The following KLHDC4 variants were observed in gnomAD, a reference collection of about 807,000 sequenced individuals.
The protein encoded by KLHDC4 is kelch domain-containing protein 4.
A neutral mutation model predicts 62.4 loss-of-function variants in KLHDC4; 90 were observed. The observed-to-expected ratio is 1.44, with a 90% CI of 1.22 to 1.72. The LOEUF is 1.72. Ranked by LOEUF, KLHDC4 falls within the 40% of genes most tolerant of loss-of-function variation. The probability of loss-of-function intolerance (pLI) is 0.00; values close to 1 mark genes in which losing one functional copy is unlikely to be tolerated. For synonymous variants in KLHDC4, 386 were observed against 284.4 expected, an observed-to-expected ratio of 1.36 and a Z score of -3.59; for missense variants, 1,025 against 699.7, an observed-to-expected ratio of 1.47 and a Z score of -5.25.
chr16:87,714,897 C>G (rs145961970), intron 7 of KLHDC4, among the ~76,000 whole-genome samples: 193 of 152,364 alleles, frequency 1.3e-3, no homozygotes, highest in African/African-American at 4.2e-3. Context: ...GATACCATTA[C>G]AGAGTCACTC....
At chr16:87,764,339 T>C (rs1421214082) in intron 1 of KLHDC4, among the ~76,000 whole-genome samples, 1 of 151,792 alleles carries the variant, frequency 6.6e-6, no homozygotes, top group African/African-American at 2.4e-5. Context: ...GAGGGAGACA[T>C]GGAGATGAGT....
rs375320055 is a variant in KLHDC4, at chr16:87,761,928, T to C, written c.191+21A>G. 1.8e-5 allele frequency: 29 copies of C among 1,610,088 alleles called. No homozygotes were observed. The African/African-American group carries it at 2.8e-4, about 16-fold the overall frequency. On this transcript the variant is annotated intron_variant, in intron 2 of 11. Transcript: ENST00000270583. ...ATAGAAGAAAAGGAAACATACAATA[T>C]GAAAAATGCTACTTGCTCACCTTGG...
chr16:87,707,976 C>T lies in KLHDC4; in HGVS notation c.*101G>A, dbSNP rs566183572. The stretch of plus-strand genomic sequence containing the variant: ...CACCCACCTTCAGCTCTCTCCTGTG[C>T]GTCAGGACGCACGCTGGCCCCAAGA... On this transcript the variant is annotated 3_prime_UTR_variant, in exon 12 of 12. Coordinates refer to ENST00000270583, the MANE Select transcript of KLHDC4 (RefSeq NM_017566.4). 1.9e-4 allele frequency: 92 copies of T among 473,838 alleles called. No homozygotes were observed. Among genetic ancestry groups the T allele is most frequent in the African/African-American group, 1.5e-3 (75 of 50,946 alleles). 29.4% of individuals were successfully genotyped at this position (473,838 alleles called of 1,614,324 possible). A position where few individuals can be genotyped will look rare whatever the true frequency, so the allele number is the denominator to read the frequency against.
chr16:87,716,221 T>A (rs138728320), intron 7 of KLHDC4, among the ~76,000 whole-genome samples: 1 of 151,890 alleles, frequency 6.6e-6, no homozygotes, highest in African/African-American at 2.4e-5. Flanking sequence ...GATATTGACG[T>A]AGACTTTGGG....
chr16:87,702,265 A>G (rs1020947410), exon 1 of KLHDC4: 5 of 456,206 alleles, frequency 1.1e-5, no homozygotes, highest in Middle Eastern at 3.2e-4. Flanking sequence ...CCGAGTCCAT[A>G]AAGGGCAGCC....
intron 4 of KLHDC4, among the ~76,000 whole-genome samples, chr16:87,751,345 G>A (rs1250400586): frequency 1.3e-5 from 2 of 152,078 alleles, no homozygotes; most frequent in East Asian, 1.9e-4. Flanking sequence ...GTGGTGGCAT[G>A]CGCCTGTAAA....
intron 1 of KLHDC4, among the ~76,000 whole-genome samples, chr16:87,762,475 C>A (rs1014501475): frequency 2.7e-4 from 41 of 152,270 alleles, no homozygotes; most frequent in African/African-American, 9.9e-4. Context: ...CAGCACCTCT[C>A]AGAGCCCAGG....
chr16:87,726,776 A>G lies in KLHDC4; in HGVS notation c.748T>C (p.Tyr250His). 1 of 1,553,062 alleles carries G rather than the reference A, an allele frequency of 6.4e-7. No individual in the cohort carries two copies. The highest frequency in any genetic ancestry group is 8.7e-7 in the Non-Finnish European group (1 of 1,150,936). Residue 250 changes from tyrosine to histidine, a missense_variant, in exon 7 of 12, where the codon TAC (tyrosine) becomes CAC (histidine). Transcript: ENST00000270583. ...ACCCCCCGCCTTACCTGTTTCGAGTAGCCCCCATAGACGACGATGCCGCCC... is the reference window on the plus strand; with the variant it reads ...ACCCCCCGCCTTACCTGTTTCGAGTGGCCCCCATAGACGACGATGCCGCCC... ...PQGGIVVYGG[Y>H]SKQRVKKDVD...
intron 8 of KLHDC4, 49 bp from the exon 9 acceptor site, chr16:87,711,492 T>G: frequency 2.6e-6 from 4 of 1,523,606 alleles, no homozygotes; most frequent in Non-Finnish European, 3.5e-6. Flanking sequence ...GGAAGGACCC[T>G]GAGAGCCAGC....
chr16:87,760,005 T>A (rs745763625), intron 2 of KLHDC4, among the ~76,000 whole-genome samples: 14 of 152,066 alleles, frequency 9.2e-5, no homozygotes, highest in Non-Finnish European at 1.3e-4. Flanking sequence ...GATATGCTCA[T>A]TTAGAAACTG....
At chr16:87,725,273 G>T (rs1289384990) in intron 7 of KLHDC4, among the ~76,000 whole-genome samples, 2 of 152,138 alleles carry the variant, frequency 1.3e-5, no homozygotes, top group Non-Finnish European at 2.9e-5. Flanking sequence ...CCTCACTGTG[G>T]GTCAATGACG....
At position 87,702,444 on chromosome 16, in the gene KLHDC4, C is replaced by A. The variant is rs538760552; in HGVS notation, c.71G>T (p.Arg24Met). 5 of 364,886 alleles carry A rather than the reference C, an allele frequency of 1.4e-5. No homozygotes were observed. The East Asian group carries it at 3.7e-4, about 27-fold the overall frequency. 22.6% of individuals were successfully genotyped at this position (364,886 alleles called of 1,614,324 possible). A position where few individuals can be genotyped will look rare whatever the true frequency, so the allele number is the denominator to read the frequency against. ...GAACCCCCGGCTTTCTCGCTTGGGC[C>A]TCTGGGGAGCCCGCGTCCCCAAATG... The change falls in exon 1 of 1, where the codon AGG (arginine) becomes ATG (methionine). Residue 24 changes from arginine (R) to methionine (M), a missense_variant. Coordinates refer to the KLHDC4 transcript ENST00000446344.
intron 7 of KLHDC4, among the ~76,000 whole-genome samples, chr16:87,723,505 G>A (rs538135484): frequency 1.1e-4 from 17 of 152,396 alleles, no homozygotes; most frequent in Admixed American, 2.6e-4. Flanking sequence ...GCACTAGACC[G>A]GGGCATCCTG....
At chr16:87,698,969 A>AG (rs1210126596) in exon 1 of KLHDC4, 1 of 152,202 alleles carries the variant, frequency 6.6e-6, no homozygotes, top group Non-Finnish European at 1.5e-5. Context: ...TGTGCACCCG[A>AG]GGCCAGGAGG....
intron 8 of KLHDC4, 75 bp downstream of exon 8, chr16:87,714,423 A>G (rs2036520394): frequency 7.6e-7 from 1 of 1,309,054 alleles, no homozygotes; most frequent in Non-Finnish European, 1.0e-6. Context: ...CCCCACATCC[A>G]TGGGAGGGTG....
intron 4 of KLHDC4, chr16:87,750,999 G>C (rs2043839388): frequency 6.6e-6 from 1 of 152,248 alleles, no homozygotes; most frequent in Non-Finnish European, 1.5e-5. Context: ...CCTAACAAAT[G>C]TTTTGAGTCT....
chr16:87,730,499 G>T, intron 6 of KLHDC4, 53 bp downstream of exon 6: 2 of 1,378,140 alleles, frequency 1.5e-6, no homozygotes, highest in Non-Finnish European at 2.0e-6. Flanking sequence ...TCTATAAAAA[G>T]CCCACTCCTT....
chr16:87,735,460 C>T (rs1297568726), intron 5 of KLHDC4, among the ~76,000 whole-genome samples: 2 of 152,246 alleles, frequency 1.3e-5, no homozygotes, highest in Admixed American at 6.5e-5. Context: ...GGGGCGCCCC[C>T]CGCTGCCCTA....
In KLHDC4 at chr16:87,708,424, C is replaced by G. The variant is rs1348095594; in HGVS notation, c.1490G>C (p.Ser497Thr). Residue 497 changes from serine (S) to threonine (T), a missense_variant, in exon 11 of 12, where the codon AGT (serine) becomes ACT (threonine). Physicochemically the swap from Ser to Thr is moderately conservative, Grantham distance 58 (BLOSUM62 1). Coordinates refer to ENST00000270583, the MANE Select transcript of KLHDC4 (RefSeq NM_017566.4). ...WLEETDSEED[S>T]EEVEGAEGGV... ...ACCCTCGGCGCCCTCAACCTCCTCA[C>G]TGTCCTCTTCCGAGTCCGTCTCCTC... 3.1e-6 allele frequency: 5 copies of G among 1,611,826 alleles called. No homozygotes were observed. The East Asian group carries it at 1.1e-4, about 36-fold the overall frequency.
Sources: allele counts gnomAD v4.1 joint callset (sites outside exome capture counted in the v4.1 genomes callset), GRCh38; gene constraint gnomAD v4.1.1; transcripts MANE v1.5; gene names NCBI Gene and HGNC (gene_info 2026-07-23, HGNC 2026-07-21).